The following CFAP45 variants were observed in gnomAD, a reference collection of about 807,000 sequenced individuals.
The protein encoded by CFAP45 is cilia- and flagella-associated protein 45.
In CFAP45, 43 loss-of-function variants were observed where a neutral mutation model predicts 75.6. The ratio of observed to expected loss-of-function variants is 0.57; its 90% CI spans 0.45 to 0.73. The LOEUF is 0.73. Among genes scored for constraint, CFAP45 ranks in the 30% least tolerant of loss-of-function variants. The probability of loss-of-function intolerance (pLI) is 0.00; values close to 1 mark genes in which losing one functional copy is unlikely to be tolerated. For synonymous variants in CFAP45, 223 were observed against 244.6 expected (o/e 0.91, Z 0.82); for missense variants, 689 against 701.5 (o/e 0.98, Z 0.20).
chr1:159,898,107 G>A (rs1649992871), intron 1 of CFAP45: 1 of 985,368 alleles, frequency 1.0e-6, no homozygotes, highest in Non-Finnish European at 1.2e-6. Flanking sequence ...GTCTCCGCAG[G>A]CTGGCAAATT....
intron 1 of CFAP45, 163 bp downstream of exon 1, chr1:159,899,933 C>A: frequency 3.0e-6 from 2 of 665,512 alleles, no homozygotes; most frequent in Non-Finnish European, 5.2e-6. Context: ...CTCTTTTGAA[C>A]CCACCTCAGG....
chr1:159,877,436 C>A lies in CFAP45; in HGVS notation c.1071G>T (p.Glu357Asp), dbSNP rs766373946. 3.8e-5 allele frequency: 61 copies of A among 1,614,004 alleles called. No individual in the cohort carries two copies. Among genetic ancestry groups the A allele is most frequent in the Non-Finnish European group, 5.1e-5 (60 of 1,179,950 alleles). The change falls in exon 9 of 12, where the codon GAG (glutamate) becomes GAT (aspartate). Residue 357 changes from glutamate (E) to aspartate (D), a missense_variant. Transcript: ENST00000368099. ...KMAREAEFEA[E>D]QERIRREKEK... Reference sequence around the variant, plus strand: ...CTTTCTCCCTCCGGATTCTCTCCTGCTCAGCCTCAAACTCTGCTTCTCGAG... The same window carrying A: ...CTTTCTCCCTCCGGATTCTCTCCTGATCAGCCTCAAACTCTGCTTCTCGAG...
chr1:159,875,869 A>G lies in CFAP45; in HGVS notation c.1352+687T>C, dbSNP rs185446049. On this transcript the variant is annotated intron_variant, in intron 10 of 11. Transcript: ENST00000368099. ...TTTGGGGAGGGAGCAGAACAGTGAG[A>G]GATGTGAACATTTAGCTTCCACTTA... Among the ~76,000 whole-genome samples, 31 of 152,326 alleles carry G rather than the reference A, an allele frequency of 2.0e-4. No individual in the cohort carries two copies. The East Asian group carries it at 4.6e-3, about 23-fold the overall frequency.
At chr1:159,889,945 G>A (rs1649786779) in intron 3 of CFAP45, among the ~76,000 whole-genome samples, 1 of 152,218 alleles carries the variant, frequency 6.6e-6, no homozygotes, top group Non-Finnish European at 1.5e-5. Flanking sequence ...CCCACAGGAT[G>A]GGCTCAAGCC....
rs745680245 is a variant in CFAP45 at position 159,884,416 on chromosome 1, T to C, written c.897+20A>G. ...ATGCTGCAGCTGGTGAAACGTGGCA[T>C]TGTCTGTCTGGCCTGTTACCTTTAG... On this transcript the variant is annotated intron_variant, in intron 7 of 11. Transcript: ENST00000368099. 6.3e-7 allele frequency: 1 copy of C among 1,584,354 alleles called. No homozygotes were observed. Among genetic ancestry groups the C allele is most frequent in the Non-Finnish European group, 8.6e-7 (1 of 1,163,376 alleles).
intron 1 of CFAP45, among the ~76,000 whole-genome samples, chr1:159,895,829 T>C (rs902681752): frequency 6.6e-6 from 1 of 152,180 alleles, no homozygotes; most frequent in Non-Finnish European, 1.5e-5. Context: ...CTGGAAAAGG[T>C]GGATGGCTTT....
rs1442489425 is a variant in CFAP45, at chr1:159,880,628, T to C, written c.970A>G (p.Lys324Glu). Residue 324 changes from lysine (K) to glutamate (E), a missense_variant, in exon 8 of 12, where the codon AAA becomes GAA. Transcript: ENST00000368099. ...TGAGCCAGCAGTTCTGCTTTCTGTT[T>C]CTGGTTTTCATCATTGATGCGCTTA... ...EIKRINDENQ[K>E]QKAELLAQEK... The C allele has an allele frequency of 6.2e-7, 1 of 1,614,006 alleles. No homozygotes were observed. Among genetic ancestry groups the C allele is most frequent in the South Asian group, 1.1e-5 (1 of 91,054 alleles).
intron 10 of CFAP45, 49 bp downstream of exon 10, chr1:159,876,507 C>A: frequency 7.5e-7 from 1 of 1,339,818 alleles, no homozygotes; most frequent in East Asian, 2.3e-5. Context: ...ATGGACCATC[C>A]CTGCTACAGT....
At chr1:159,876,774 T>C (rs778718459) in intron 9 of CFAP45, 25 bp from the exon 10 acceptor site, 1 of 1,613,818 alleles carries the variant, frequency 6.2e-7, no homozygotes, top group East Asian at 2.2e-5. Context: ...AGGGGACCAG[T>C]GAGGGCACAA....
chr1:159,876,497 A>G lies in CFAP45; in HGVS notation c.1352+59T>C, dbSNP rs541393642. On this transcript the variant is annotated intron_variant, in intron 10 of 11. Coordinates refer to ENST00000368099, the MANE Select transcript of CFAP45 (RefSeq NM_012337.3). ...GCCAGAAAGCTTCTCTCTATCCAAT[A>G]TGGACCATCCCTGCTACAGTACAAG... 4 of 1,269,518 alleles carry G rather than the reference A, an allele frequency of 3.2e-6. No homozygotes were observed. The African/African-American group carries it at 5.9e-5, about 19-fold the overall frequency. 78.6% of individuals were successfully genotyped at this position (1,269,518 alleles called of 1,614,324 possible).
intron 8 of CFAP45, among the ~76,000 whole-genome samples, chr1:159,879,493 T>C (rs1649496595): frequency 6.6e-6 from 1 of 152,202 alleles, no homozygotes; most frequent in Non-Finnish European, 1.5e-5. Flanking sequence ...AGATAACACG[T>C]GTAAAACACT....
intron 2 of CFAP45, among the ~76,000 whole-genome samples, chr1:159,891,701 C>G (rs1307805844): frequency 6.6e-6 from 1 of 152,176 alleles, no homozygotes; most frequent in Admixed American, 6.5e-5. Context: ...ACCCACAGTC[C>G]CCTGTGTGCT....
chr1:159,875,362 G>T (rs1238053166), intron 10 of CFAP45, among the ~76,000 whole-genome samples: 1 of 152,024 alleles, frequency 6.6e-6, no homozygotes, highest in Non-Finnish European at 1.5e-5. Context: ...TCTTCACTAG[G>T]TGTCCAGTGA....
At chr1:159,898,466 C>G (rs773024138) in intron 1 of CFAP45, among the ~76,000 whole-genome samples, 11 of 152,228 alleles carry the variant, frequency 7.2e-5, no homozygotes, top group Non-Finnish European at 1.0e-4. Context: ...CACGAACACA[C>G]ACAGCTGGCC....
intron 10 of CFAP45, chr1:159,876,223 C>A: frequency 3.0e-6 from 1 of 329,318 alleles, no homozygotes; most frequent in Non-Finnish European, 5.7e-6. Context: ...GCAGTTTCAT[C>A]CCCAATTTGC....
At chr1:159,893,725 T>C (rs1649881882) in intron 1 of CFAP45, among the ~76,000 whole-genome samples, 8 of 152,248 alleles carry the variant, frequency 5.3e-5, no homozygotes, top group Admixed American at 3.9e-4. Flanking sequence ...AATAATGTAC[T>C]GTATATCTCA....
rs1649803113 is a variant in CFAP45, at chr1:159,890,590, A to G, written c.162T>C (p.Ile54=). The G allele has an allele frequency of 6.2e-7, 1 of 1,614,016 alleles. No individual in the cohort carries two copies. Among genetic ancestry groups the G allele is most frequent in the Non-Finnish European group, 8.5e-7 (1 of 1,180,010 alleles). The change falls in exon 3 of 12, where the codon ATT becomes ATC. Residue 54 remains isoleucine, a synonymous_variant. Coordinates refer to ENST00000368099, the MANE Select transcript of CFAP45 (RefSeq NM_012337.3). ...SPAQGQSDSP[I]VLLRDKHTLQ... ...GGGTATGCTTATCTCGGAGCAGCAC[A>G]ATGGGGCTGTCGCTCTGGCCCTGGG...
chr1:159,887,352 A>G (rs1246348774), intron 5 of CFAP45, among the ~76,000 whole-genome samples: 1 of 152,226 alleles, frequency 6.6e-6, no homozygotes, highest in Non-Finnish European at 1.5e-5. Context: ...ACCACATGCA[A>G]ATGAGTTACA....
intron 5 of CFAP45, among the ~76,000 whole-genome samples, chr1:159,886,923 A>G (rs1200930461): frequency 6.6e-6 from 1 of 152,202 alleles, no homozygotes; most frequent in Non-Finnish European, 1.5e-5. Context: ...GGCCTGGAAT[A>G]GCATCTTTCA....
Sources: allele counts gnomAD v4.1 joint callset (sites outside exome capture counted in the v4.1 genomes callset), GRCh38; gene constraint gnomAD v4.1.1; transcripts MANE v1.5; gene names NCBI Gene and HGNC (gene_info 2026-07-23, HGNC 2026-07-21).